HYAL1: variants seen among roughly 807,000 people sequenced by gnomAD.
The protein encoded by HYAL1 is hyaluronidase-1.
HYAL1 carries 21 observed loss-of-function variants against 28.8 expected under a neutral mutation model. The observed-to-expected ratio is 0.73, with a 90% CI of 0.52 to 1.05. The LOEUF is 1.05. HYAL1 is among the 50% of genes least tolerant of loss of function. HYAL1 has a pLI of 0.00. For missense variants in HYAL1, 491 were observed against 579.2 expected, an observed-to-expected ratio of 0.85 and a Z score of 1.56; for synonymous variants, 200 against 230.1, an observed-to-expected ratio of 0.87 and a Z score of 1.18.
chr3:50,305,239 T>G (rs587657742), upstream of HYAL1, among the ~76,000 whole-genome samples: 31 of 149,712 alleles, frequency 2.1e-4, 1 homozygote, highest in Admixed American at 1.3e-3. Context: ...TGTACTTCTG[T>G]TTTTTTTTTA....
chr3:50,305,027 C>A (rs1028229899), upstream of HYAL1, among the ~76,000 whole-genome samples: 9 of 152,222 alleles, frequency 5.9e-5, no homozygotes, highest in Admixed American at 2.0e-4. Context: ...CCGCTCAGGA[C>A]AAATCTGCCT....
intron 1 of HYAL1, among the ~76,000 whole-genome samples, chr3:50,310,222 T>C (rs187080214): frequency 2.0e-5 from 3 of 151,398 alleles, no homozygotes; most frequent in East Asian, 3.9e-4. Flanking sequence ...TCCTTCTTTT[T>C]TTTCATTTTC....
In HYAL1 at chr3:50,300,790, T is replaced by C; in HGVS notation, c.1001A>G (p.Gln334Arg). 6.2e-7 allele frequency: 1 copy of C among 1,613,722 alleles called. No individual in the cohort carries two copies. The highest frequency in any genetic ancestry group is 8.5e-7 in the Non-Finnish European group (1 of 1,179,854). Residue 334 changes from glutamine (Q) to arginine (R), a missense_variant, in exon 4 of 4, where the codon CAG becomes CGG. By Grantham distance (43) the Gln-to-Arg change is conservative. Transcript: ENST00000395144. ...WENTRTKESC[Q>R]AIKEYMDTTL... ...AGTGTCCATATACTCCTTGATGGCC[T>C]GACATGATTCCTAGGTGGGAAGGGA...
upstream of HYAL1, among the ~76,000 whole-genome samples, chr3:50,304,296 A>AAAAAAAAAAATAT: frequency 3.9e-4 from 12 of 30,476 alleles, no homozygotes; most frequent in Non-Finnish European, 7.3e-4. Context: ...AAAAAAAAAA[A>AAAAAAAAAAATAT]ATATATATAT....
chr3:50,310,581 C>CTTT (rs1221892755), intron 1 of HYAL1, among the ~76,000 whole-genome samples: 4 of 140,310 alleles, frequency 2.9e-5, no homozygotes, highest in African/African-American at 1.1e-4. Flanking sequence ...GGTTTCTTTT[C>CTTT]TTTTTTTTTT....
chr3:50,300,125 G>A lies in HYAL1; in HGVS notation c.*358C>T, dbSNP rs1317230651. ...TAGCCTCATTGTGAGGAATGAATAA[G>A]TCCACATAAAACGCTTAGCACGGGG... On this transcript the variant is annotated 3_prime_UTR_variant, in exon 4 of 4. Coordinates refer to ENST00000395144, the MANE Select transcript of HYAL1 (RefSeq NM_033159.4). 5.8e-6 allele frequency: 2 copies of A among 344,856 alleles called. No homozygotes were observed. The highest frequency in any genetic ancestry group is 1.1e-5 in the Non-Finnish European group (2 of 179,146). The allele number at this position is 344,856 out of a possible 1,614,324, so 21.4% of individuals were successfully genotyped here.
chr3:50,304,655 G>C (rs1702301301), upstream of HYAL1, among the ~76,000 whole-genome samples: 1 of 149,076 alleles, frequency 6.7e-6, no homozygotes, highest in Non-Finnish European at 1.5e-5. Flanking sequence ...TGGGTCTATT[G>C]TGCTTAGTGG....
chr3:50,301,212 G>A (rs1553712829), intron 2 of HYAL1, 135 bp from the exon 3 acceptor site: 4 of 620,892 alleles, frequency 6.4e-6, no homozygotes, highest in Non-Finnish European at 2.9e-6. Context: ...GAGGCAAACT[G>A]CTTCCTCCTC....
At chr3:50,305,799 G>A (rs1316862061), upstream of HYAL1, among the ~76,000 whole-genome samples, 1 of 151,360 alleles carries the variant, frequency 6.6e-6, no homozygotes, top group Non-Finnish European at 1.5e-5. Context: ...CTCCCAAAGT[G>A]CTGGGATTAC....
upstream of HYAL1, among the ~76,000 whole-genome samples, chr3:50,304,460 G>A (rs1702296180): frequency 6.7e-6 from 1 of 149,168 alleles, no homozygotes. Context: ...AATTAGCTGG[G>A]CATGGTGGTA....
Position 50,302,250 on chromosome 3 carries a change from C to T in HYAL1, c.707G>A (p.Trp236Ter), listed in dbSNP as rs2109307152. The part of the protein sequence containing the change: ...RAQNDQLGWL[W>*]GQSRALYPSI... ...GGGATAGAGGGCACGGCTCTGGCCC[C>T]ACAGCCACCCTAGCTGGTCATTTTG... The change falls in exon 2 of 4, where the codon TGG becomes TAG. Residue 236 changes from tryptophan (W) to a stop codon, truncating the protein, a stop_gained. Coordinates refer to ENST00000395144, the MANE Select transcript of HYAL1 (RefSeq NM_033159.4). LOFTEE classifies it high-confidence loss of function. The surrounding 1 kb of genome is among the most constrained non-coding windows in gnomAD (Gnocchi z 5.0). The T allele has an allele frequency of 6.2e-7, 1 of 1,613,966 alleles. No individual in the cohort carries two copies. The highest frequency in any genetic ancestry group is 2.2e-5 in the East Asian group (1 of 44,886).
rs1258184479 is a variant in HYAL1 at position 50,311,903 on chromosome 3, C to CT, written c.-310+360_-310+361insA. Among the ~76,000 whole-genome samples, 139 of 149,606 alleles carry CT rather than the reference C, an allele frequency of 9.3e-4. 1 individual carries two copies. The highest frequency in any genetic ancestry group is 3.3e-3 in the African/African-American group (135 of 40,518). On this transcript the variant is annotated intron_variant, in intron 1 of 5. Transcript: ENST00000320295. The stretch of plus-strand genomic sequence containing the variant: ...GCTGGCCGGGCGGGGGGCTGATCCC[C>CT]CCTCCCCTCACGGATGGGGTGGCTG...
chr3:50,308,734 CTTTTTTTT>C (rs587625905), intron 2 of HYAL1, among the ~76,000 whole-genome samples: 1 of 117,308 alleles, frequency 8.5e-6, no homozygotes, highest in Admixed American at 8.9e-5. Context: ...CGTGCCTGGC[CTTTTTTTT>C]TTTTTTTAGA....
In HYAL1 at chr3:50,302,016, C is replaced by G; in HGVS notation, c.900+41G>C. ...CCCCAAGGCTGGACCTAATATCTGA[C>G]AAGGCAGGTTGACAAGGTGGGCAGG... On this transcript the variant is annotated intron_variant, in intron 2 of 3. Transcript: ENST00000395144. The surrounding 1 kb of genome is among the most constrained non-coding windows in gnomAD (Gnocchi z 5.0). 6.2e-7 allele frequency: 1 copy of G among 1,602,930 alleles called. No homozygotes were observed. Among genetic ancestry groups the G allele is most frequent in the South Asian group, 1.1e-5 (1 of 90,840 alleles).
At position 50,310,266 on chromosome 3, in the gene HYAL1, T is replaced by TG. The variant is rs1467802494; in HGVS notation, c.-309-490_-309-489insC. Among the ~76,000 whole-genome samples the TG allele has an allele frequency of 2.4e-4, 32 of 133,616 alleles. 1 individual carries two copies. Among genetic ancestry groups the TG allele is most frequent in the South Asian group, 4.7e-4 (2 of 4,286 alleles). 87.7% of individuals were successfully genotyped at this position (133,616 alleles called of 152,430 possible). A position where few individuals can be genotyped will look rare whatever the true frequency, so the allele number is the denominator to read the frequency against. Reference sequence around the variant, plus strand: ...GAGTCACTGAAAACTAAGCTGTGTGTTTTTTTTTTTTTTTTTGAGACAGAG... The same window carrying TG: ...GAGTCACTGAAAACTAAGCTGTGTGTGTTTTTTTTTTTTTTTTGAGACAGAG... On this transcript the variant is annotated intron_variant, in intron 1 of 5. Coordinates refer to the HYAL1 transcript ENST00000320295.
rs143205062 is a variant in HYAL1, at chr3:50,309,358, A to G, written c.-191+301T>C. Reference sequence around the variant, plus strand: ...ACATGCCTGTAATCCCAGCTACTCCAGAGGCTAAGGCAGTAGAATCGCTTG... The same window carrying G: ...ACATGCCTGTAATCCCAGCTACTCCGGAGGCTAAGGCAGTAGAATCGCTTG... On this transcript the variant is annotated intron_variant, in intron 2 of 5. Transcript: ENST00000320295. Among the ~76,000 whole-genome samples, 874 of 149,642 alleles carry G rather than the reference A, an allele frequency of 5.8e-3. 34 individuals carry two copies. Among genetic ancestry groups the G allele is most frequent in the African/African-American group, 0.021 (826 of 39,632 alleles).
At position 50,302,757 on chromosome 3, in the gene HYAL1, C is replaced by T. The variant is rs782491043; in HGVS notation, c.200G>A (p.Arg67His). The T allele has an allele frequency of 7.4e-6, 12 of 1,613,878 alleles. No homozygotes were observed. The highest frequency in any genetic ancestry group is 1.6e-4 in the Middle Eastern group (1 of 6,084). ...ATAGAAAATTGTCATGTCAGGGCCG[C>T]GGAAGGTCTGCCCTGGGTTGGCTAC... The part of the protein sequence containing the change: ...DVVANPGQTF[R>H]GPDMTIFYSS... The change falls in exon 2 of 4, where the codon CGC (arginine) becomes CAC (histidine). Residue 67 changes from arginine to histidine, a missense_variant. Physicochemically the swap from Arg to His is conservative, Grantham distance 29. Transcript: ENST00000395144. The surrounding 1 kb of genome is among the most constrained non-coding windows in gnomAD (Gnocchi z 5.0).
intron 1 of HYAL1, chr3:50,303,227 C>T: frequency 2.6e-6 from 1 of 388,268 alleles, no homozygotes. Flanking sequence ...CTAGCCTAAG[C>T]TCGCCCACCC....
chr3:50,309,461 CA>C (rs59958240), intron 2 of HYAL1, among the ~76,000 whole-genome samples: 1,486 of 60,932 alleles, frequency 0.024, 29 homozygotes, highest in African/African-American at 0.074. Context: ...CAGACTCCAC[CA>C]AAAAAAAAAA....
Sources: gnomAD v4.1 joint callset for allele counts (sites outside exome capture counted in the v4.1 genomes callset) on GRCh38, gnomAD v4.1.1 for gene constraint, Gnocchi (gnomAD v3.1) non-coding constraint, MANE v1.5 for transcripts, NCBI Gene and HGNC (gene_info 2026-07-23, HGNC 2026-07-21) for gene names.